The following DNMT1 variants were observed in gnomAD, a reference collection of about 807,000 sequenced individuals.
The protein encoded by DNMT1 is DNA (cytosine-5)-methyltransferase 1.
Under a neutral mutation model 205.3 loss-of-function variants are expected in DNMT1, and 24 were observed. That is an observed-to-expected ratio of 0.12 (90% CI 0.08 to 0.16). The LOEUF (loss-of-function observed/expected upper bound fraction) is 0.16, where lower values mean the gene tolerates loss of function less well. DNMT1 is among the 10% of genes least tolerant of loss of function. DNMT1 has a pLI of 1.00. For synonymous variants in DNMT1, 817 were observed against 839.8 expected, an observed-to-expected ratio of 0.97 and a Z score of 0.47; for missense variants, 1,293 against 2,177.7, an observed-to-expected ratio of 0.59 and a Z score of 8.09.
chr19:10,147,745 G>A (rs748769126), intron 27 of DNMT1, among the ~76,000 whole-genome samples: 7 of 152,202 alleles, frequency 4.6e-5, no homozygotes, highest in Admixed American at 2.0e-4. Context: ...TCCTCTGGGG[G>A]TGCTGGCTGC....
chr19:10,168,482 AAG>A lies in DNMT1; in HGVS notation c.769-120_769-119del, dbSNP rs2038738971. 4 of 1,054,228 alleles carry A rather than the reference AAG, an allele frequency of 3.8e-6. No individual in the cohort carries two copies. The Admixed American group carries it at 7.7e-5, about 20-fold the overall frequency. 65.3% of individuals were successfully genotyped at this position (1,054,228 alleles called of 1,614,324 possible). The stretch of plus-strand genomic sequence containing the variant: ...ATTCTAGAGTCCACTGGTGGGAGTA[AAG>A]ACTGTCTACCAGTGGGCACAGTAGC... On this transcript the variant is annotated intron_variant, in intron 9 of 40. Transcript: ENST00000359526.
Position 10,180,856 on chromosome 19 carries a change from C to T in DNMT1, c.147G>A (p.Leu49=). Residue 49 remains leucine (L), a synonymous_variant, in exon 3 of 41, where the codon TTG becomes TTA. Transcript: ENST00000359526. The part of the protein sequence containing the change: ...KECVKEKLNL[L]HEFLQTEIKN... ...TTATTTCTGTTTGCAGAAATTCGTG[C>T]AAGAGATTCAATTTCTCCTTCACAC... 1.2e-6 allele frequency: 2 copies of T among 1,614,130 alleles called. No individual in the cohort carries two copies. Among genetic ancestry groups the T allele is most frequent in the Non-Finnish European group, 1.7e-6 (2 of 1,180,024 alleles).
Position 10,173,166 on chromosome 19 carries a change from C to T in DNMT1, c.692G>A (p.Arg231Lys), listed in dbSNP as rs568861011. Residue 231 changes from arginine to lysine, a missense_variant, in exon 9 of 41, where the codon AGA (arginine) becomes AAA (lysine). Physicochemically the swap from Arg to Lys is conservative, Grantham distance 26. Coordinates refer to ENST00000359526, the MANE Select transcript of DNMT1 (RefSeq NM_001130823.3). ...RRVTSRERVA[R>K]PLPAEEPERA... ...TTCAGGTTCTTCTGCAGGAAGCGGT[C>T]TAGCAACTCTGTCAAGCAAAATAAC... 2 of 1,614,144 alleles carry T rather than the reference C, an allele frequency of 1.2e-6. No homozygotes were observed. The highest frequency in any genetic ancestry group is 2.7e-5 in the African/African-American group (2 of 75,032).
At chr19:10,135,972 C>T (rs1164438698) in intron 38 of DNMT1, 120 bp from the exon 39 acceptor site, 1 of 1,485,248 alleles carries the variant, frequency 6.7e-7, no homozygotes, top group African/African-American at 1.4e-5. Flanking sequence ...ATGAGCTTGT[C>T]CCGTGGACGT....
chr19:10,188,364 A>T (rs1181743256), intron 1 of DNMT1, among the ~76,000 whole-genome samples: 2 of 152,044 alleles, frequency 1.3e-5, no homozygotes, highest in East Asian at 3.9e-4. Context: ...ACATGGCAAA[A>T]CCCCATCTCT....
chr19:10,135,581 C>T (rs1372019078), intron 39 of DNMT1, 155 bp downstream of exon 39: 1 of 761,694 alleles, frequency 1.3e-6, no homozygotes, highest in South Asian at 1.5e-5. Flanking sequence ...TCAGCACTGT[C>T]CCTCCTGTGG....
At position 10,154,221 on chromosome 19, in the gene DNMT1, TGGAGCAGTCCTCAGATCA is replaced by T. The variant is rs2038407655; in HGVS notation, c.2019+54_2019+71del. The T allele has an allele frequency of 1.4e-6, 2 of 1,475,638 alleles. No individual in the cohort carries two copies. Among genetic ancestry groups the T allele is most frequent in the South Asian group, 1.1e-5 (1 of 88,048 alleles). The allele number at this position is 1,475,638 out of a possible 1,614,324, so 91.4% of individuals were successfully genotyped here. On this transcript the variant is annotated intron_variant, in intron 22 of 40. Transcript: ENST00000359526. This position sits in a 1 kb window ranked among gnomAD's most constrained non-coding sequence, Gnocchi z 6.3. ...GAGTCTCAAGCCACAGAGAGAAAGA[TGGAGCAGTCCTCAGATCA>T]GGCCAGAGGCTGGGCCACCTTAGGG...
Position 10,146,491 on chromosome 19 carries a change from C to T in DNMT1, c.2754G>A (p.Met918Ile). 1.2e-6 allele frequency: 2 copies of T among 1,614,124 alleles called. No homozygotes were observed. The highest frequency in any genetic ancestry group is 1.7e-6 in the Non-Finnish European group (2 of 1,180,014). ...GGACCCTGGGGATTTCTTTTTGCCT[C>T]ATCTCAGCCAGACGGGCACAGCTCA... ...FCVSCARLAE[M>I]RQKEIPRVLE... The change falls in exon 28 of 41, where the codon ATG becomes ATA. Residue 918 changes from methionine (M) to isoleucine (I), a missense_variant. Coordinates refer to ENST00000359526, the MANE Select transcript of DNMT1 (RefSeq NM_001130823.3). This position sits in a 1 kb window ranked among gnomAD's most constrained non-coding sequence, Gnocchi z 4.4.
chr19:10,153,275 G>A (rs2038387253), intron 22 of DNMT1, among the ~76,000 whole-genome samples: 1 of 152,094 alleles, frequency 6.6e-6, no homozygotes, highest in African/African-American at 2.4e-5. Context: ...AAATACTACA[G>A]AATATTTAAA....
In DNMT1 at chr19:10,187,576, A is replaced by G. The variant is rs187357103; in HGVS notation, c.81-5499T>C. Among the ~76,000 whole-genome samples the G allele has an allele frequency of 1.5e-3, 225 of 151,206 alleles. 1 individual carries two copies. The highest frequency in any genetic ancestry group is 5.2e-3 in the African/African-American group (215 of 41,096). On this transcript the variant is annotated intron_variant, in intron 1 of 40. Coordinates refer to ENST00000359526, the MANE Select transcript of DNMT1 (RefSeq NM_001130823.3). ...TACAGTGAGACCCTGTCTCTACGAG[A>G]AAACAGTAATTAGCTGGGTATGACA...
At chr19:10,150,473 G>A (rs1479021821) in intron 24 of DNMT1, among the ~76,000 whole-genome samples, 4 of 152,140 alleles carry the variant, frequency 2.6e-5, no homozygotes, top group Admixed American at 6.5e-5. Flanking sequence ...GCAAGGCCTC[G>A]TGGCCCCAGC....
In DNMT1 at chr19:10,140,008, G is replaced by A; in HGVS notation, c.3806+38C>T. ...ACTGCTGACATGCGGCACAGCCCCG[G>A]GCCGTCTGGCAACACTGGGGGGCTT... On this transcript the variant is annotated intron_variant, in intron 33 of 40. Coordinates refer to ENST00000359526, the MANE Select transcript of DNMT1 (RefSeq NM_001130823.3). The surrounding 1 kb of genome is among the most constrained non-coding windows in gnomAD (Gnocchi z 8.4). 6.2e-7 allele frequency: 1 copy of A among 1,602,916 alleles called. No homozygotes were observed. Among genetic ancestry groups the A allele is most frequent in the Non-Finnish European group, 8.5e-7 (1 of 1,179,978 alleles).
rs1168812197 is a variant in DNMT1 at position 10,138,534 on chromosome 19, G to A, written c.4020C>T (p.Leu1340=). The change falls in exon 35 of 41, where the codon CTC becomes CTT. Residue 1340 remains leucine (L), a synonymous_variant. Transcript: ENST00000359526. This position sits in a 1 kb window ranked among gnomAD's most constrained non-coding sequence, Gnocchi z 4.1. ...CGTGCAGTGGCTCCGGGAACAGAGG[G>A]AGCTTCTCTCCAGGGGCCGCGGCCA... ...IILAAAPGEK[L]PLFPEPLHVF... is the part of the protein sequence containing the mutation. The A allele has an allele frequency of 6.2e-7, 1 of 1,612,696 alleles. No individual in the cohort carries two copies. Among genetic ancestry groups the A allele is most frequent in the Non-Finnish European group, 8.5e-7 (1 of 1,180,028 alleles).
intron 33 of DNMT1, 81 bp downstream of exon 33, chr19:10,139,965 T>C (rs2089569530): frequency 6.3e-7 from 1 of 1,599,472 alleles, no homozygotes; most frequent in Non-Finnish European, 8.5e-7. Flanking sequence ...GAGGCCTCAG[T>C]GCAGGGCGAA....
intron 1 of DNMT1, among the ~76,000 whole-genome samples, chr19:10,183,811 A>G (rs2039126566): frequency 1.3e-5 from 2 of 152,306 alleles, no homozygotes; most frequent in South Asian, 4.1e-4. Flanking sequence ...CGGGAGGCAG[A>G]GGTTGCAGTG....
intron 11 of DNMT1, among the ~76,000 whole-genome samples, chr19:10,166,377 G>A (rs2038693075): frequency 6.6e-6 from 1 of 152,092 alleles, no homozygotes; most frequent in Non-Finnish European, 1.5e-5. Context: ...GAAAGACAGA[G>A]GACAACTGAG....
At position 10,138,299 on chromosome 19, in the gene DNMT1, C is replaced by T; in HGVS notation, c.4115+140G>A. 1 of 1,342,818 alleles carries T rather than the reference C, an allele frequency of 7.4e-7. No homozygotes were observed. Among genetic ancestry groups the T allele is most frequent in the Non-Finnish European group, 1.0e-6 (1 of 967,306 alleles). The allele number at this position is 1,342,818 out of a possible 1,614,324, so 83.2% of individuals were successfully genotyped here. On this transcript the variant is annotated intron_variant, in intron 35 of 40. Coordinates refer to ENST00000359526, the MANE Select transcript of DNMT1 (RefSeq NM_001130823.3). This position sits in a 1 kb window ranked among gnomAD's most constrained non-coding sequence, Gnocchi z 4.1. ...ACTGGAGACCACAGGTGGCAGAGTG[C>T]CATGTGGCAGAGCACCGTGTGGCAG... is the stretch of plus-strand genomic sequence containing the variant.
chr19:10,177,216 A>G, intron 6 of DNMT1, 76 bp downstream of exon 6: 2 of 1,342,350 alleles, frequency 1.5e-6, no homozygotes. Flanking sequence ...CAGAATTGCC[A>G]CGTGACGCCC....
chr19:10,135,847 G>A lies in DNMT1; in HGVS notation c.4662C>T (p.Arg1554=), dbSNP rs769962566. ...CACGGTGCTGCTCTGGGTGGAGCAC[G>A]CGGCCCTGGGGGAAAGAGGCGCGGT... ...TNPEPMGKQG[R]VLHPEQHRVV... The change falls in exon 39 of 41, where the codon CGC becomes CGT. Residue 1554 remains arginine, a synonymous_variant. Coordinates refer to ENST00000359526, the MANE Select transcript of DNMT1 (RefSeq NM_001130823.3). 9 of 1,551,728 alleles carry A rather than the reference G, an allele frequency of 5.8e-6. No individual in the cohort carries two copies. The highest frequency in any genetic ancestry group is 1.4e-5 in the African/African-American group (1 of 73,580).
Sources: gnomAD v4.1 joint callset for allele counts (sites outside exome capture counted in the v4.1 genomes callset) on GRCh38, gnomAD v4.1.1 for gene constraint, Gnocchi (gnomAD v3.1) non-coding constraint, MANE v1.5 for transcripts, NCBI Gene and HGNC (gene_info 2026-07-23, HGNC 2026-07-21) for gene names.